Variants in PARD3 observed in about 807,000 individuals in gnomAD.
PARD3 encodes the protein par-3 family cell polarity regulator.
A neutral mutation model predicts 155.4 loss-of-function variants in PARD3; 75 were observed. The observed-to-expected ratio is 0.48, with a 90% CI of 0.40 to 0.58. The LOEUF (loss-of-function observed/expected upper bound fraction) is 0.58, where lower values mean the gene tolerates loss of function less well. Among genes scored for constraint, PARD3 ranks in the 20% least tolerant of loss-of-function variants. PARD3 has a pLI of 0.00. For synonymous variants in PARD3, 576 were observed against 610.5 expected (o/e 0.94, Z 0.83); for missense variants, 1,642 against 1,721.7 (o/e 0.95, Z 0.82).
chr10:34,660,445 C>A (rs1486843865), intron 2 of PARD3, among the ~76,000 whole-genome samples: 1 of 151,920 alleles, frequency 6.6e-6, no homozygotes, highest in Non-Finnish European at 1.5e-5. Flanking sequence ...ATCTTTAACA[C>A]AGGGGTATTT....
intron 2 of PARD3, among the ~76,000 whole-genome samples, chr10:34,531,650 C>G (rs1286407576): frequency 6.6e-6 from 1 of 152,092 alleles, no homozygotes; most frequent in African/African-American, 2.4e-5. Context: ...TTATAATGGT[C>G]CCTACACTGG....
chr10:34,247,515 AACAAAAAAC>A (rs1322579596), intron 22 of PARD3, among the ~76,000 whole-genome samples: 1 of 152,196 alleles, frequency 6.6e-6, no homozygotes, highest in Admixed American at 6.5e-5. Flanking sequence ...AAACAAACAA[AACAAAAAAC>A]ACAAAAACAG....
chr10:34,345,646 A>C, intron 15 of PARD3: 3 of 985,396 alleles, frequency 3.0e-6, no homozygotes, highest in Non-Finnish European at 3.6e-6. Flanking sequence ...ATGTCTTTGG[A>C]ACTATGGAAT....
chr10:34,787,836 A>G (rs1841168271), intron 1 of PARD3, among the ~76,000 whole-genome samples: 1 of 150,490 alleles, frequency 6.6e-6, no homozygotes, highest in Admixed American at 6.6e-5. Flanking sequence ...TCTGGTGTAC[A>G]GTGGCGCAAC....
chr10:34,228,315 A>C (rs1320149653), intron 22 of PARD3, among the ~76,000 whole-genome samples: 3 of 152,058 alleles, frequency 2.0e-5, no homozygotes, highest in East Asian at 1.9e-4. Flanking sequence ...CACTACCCGG[A>C]TGCCAAAGTA....
chr10:34,305,098 GTTC>G (rs1174939710), intron 20 of PARD3, among the ~76,000 whole-genome samples: 4 of 152,144 alleles, frequency 2.6e-5, no homozygotes, highest in South Asian at 2.1e-4. Context: ...AGACTGTAAA[GTTC>G]TTCATTTCCT....
intron 5 of PARD3, among the ~76,000 whole-genome samples, chr10:34,443,586 A>G (rs560526087): frequency 6.6e-6 from 1 of 152,210 alleles, no homozygotes; most frequent in South Asian, 2.1e-4. Flanking sequence ...TCCCATTTTT[A>G]AAATCATCAG....
intron 22 of PARD3, among the ~76,000 whole-genome samples, chr10:34,177,285 C>T (rs1283191970): frequency 1.3e-5 from 2 of 152,052 alleles, no homozygotes; most frequent in East Asian, 3.9e-4. Flanking sequence ...TGCTGTGCAC[C>T]GCTTTGACCC....
chr10:34,577,966 C>T (rs1451132173), intron 2 of PARD3, among the ~76,000 whole-genome samples: 2 of 151,896 alleles, frequency 1.3e-5, no homozygotes, highest in Non-Finnish European at 2.9e-5. Context: ...ATCCTCCTGC[C>T]TCGGCCTCCT....
chr10:34,470,084 C>A lies in PARD3; in HGVS notation c.582+1G>T. On this transcript the variant is annotated splice_donor_variant, in intron 4 of 24. Coordinates refer to ENST00000374788, the MANE Select transcript of PARD3 (RefSeq NM_001184785.2). LOFTEE classifies it high-confidence loss of function. ...AGCAGCAAACAAGCAGAGGTGGTTA[C>A]CTTCCTGTCGCAGGTTTTAGGACTC... 1 of 1,593,624 alleles carries A rather than the reference C, an allele frequency of 6.3e-7. No homozygotes were observed. Among genetic ancestry groups the A allele is most frequent in the South Asian group, 1.1e-5 (1 of 87,110 alleles).
chr10:34,612,009 G>T (rs1238407614), intron 2 of PARD3, among the ~76,000 whole-genome samples: 1 of 141,726 alleles, frequency 7.1e-6, no homozygotes, highest in Non-Finnish European at 1.5e-5. Flanking sequence ...TGTATTTTTA[G>T]TAGAGACGGG....
chr10:34,152,785 G>A (rs969862443), intron 22 of PARD3, among the ~76,000 whole-genome samples: 6 of 152,010 alleles, frequency 3.9e-5, no homozygotes, highest in Non-Finnish European at 5.9e-5. Context: ...ACAACTGGCC[G>A]TACATAGCAC....
chr10:34,162,439 A>G (rs1447268665), intron 22 of PARD3, among the ~76,000 whole-genome samples: 1 of 152,188 alleles, frequency 6.6e-6, no homozygotes, highest in African/African-American at 2.4e-5. Context: ...TGGTCGTGAG[A>G]CAAGAACCTG....
At chr10:34,117,128 G>A (rs954025340) in intron 24 of PARD3, among the ~76,000 whole-genome samples, 1 of 151,956 alleles carries the variant, frequency 6.6e-6, no homozygotes, top group South Asian at 2.1e-4. Flanking sequence ...CCCGCCCACC[G>A]CTCTCTCTCC....
intron 5 of PARD3, among the ~76,000 whole-genome samples, chr10:34,406,307 T>C (rs563301717): frequency 1.2e-4 from 18 of 152,320 alleles, no homozygotes; most frequent in African/African-American, 4.1e-4. Context: ...GATCTTTATC[T>C]CCTTCACATG....
intron 22 of PARD3, among the ~76,000 whole-genome samples, chr10:34,179,089 G>T (rs1427601795): frequency 1.3e-5 from 2 of 152,128 alleles, no homozygotes; most frequent in African/African-American, 2.4e-5. Context: ...AGGAAGAAAA[G>T]ACGTCAATAT....
rs115958486 is a variant in PARD3 at position 34,525,134 on chromosome 10, C to T, written c.223-7975G>A. On this transcript the variant is annotated intron_variant, in intron 2 of 24. Coordinates refer to ENST00000374788, the MANE Select transcript of PARD3 (RefSeq NM_001184785.2). ...GAGTAAGCAAAAGGATATATTTGAA[C>T]CAATGATGTTTTGTAATCATAGTAA... 3.3e-3 allele frequency among the ~76,000 whole-genome samples: 496 copies of T among 152,190 alleles called. 1 individual carries two copies. Among genetic ancestry groups the T allele is most frequent in the African/African-American group, 0.011 (473 of 41,514 alleles).
chr10:34,198,452 T>TGGTG (rs2133316622), intron 22 of PARD3, among the ~76,000 whole-genome samples: 1 of 112,432 alleles, frequency 8.9e-6, no homozygotes, highest in Admixed American at 8.5e-5. Context: ...AATCACTAAT[T>TGGTG]GGTGTGTGTG....
In PARD3 at chr10:34,211,110, G is replaced by A. The variant is rs113956568; in HGVS notation, c.3419+58547C>T. 6.4e-4 allele frequency among the ~76,000 whole-genome samples: 98 copies of A among 152,316 alleles called. 1 individual carries two copies. The highest frequency in any genetic ancestry group is 2.2e-3 in the African/African-American group (91 of 41,570). The stretch of plus-strand genomic sequence containing the variant: ...GAACAGATACACAGCTCTTCAGCCT[G>A]TGACAGGCTCATGAAACGCACCGAT... On this transcript the variant is annotated intron_variant, in intron 22 of 24. Transcript: ENST00000374788.
Sources: gnomAD v4.1 joint callset for allele counts (sites outside exome capture counted in the v4.1 genomes callset) on GRCh38, gnomAD v4.1.1 for gene constraint, MANE v1.5 for transcripts, NCBI Gene and HGNC (gene_info 2026-07-23, HGNC 2026-07-21) for gene names.